GHRHR: variants seen among roughly 807,000 people sequenced by gnomAD.
The protein encoded by GHRHR is growth hormone-releasing hormone receptor.
In GHRHR, 40 loss-of-function variants were observed where a neutral mutation model predicts 58.3. The ratio of observed to expected loss-of-function variants is 0.69; its 90% confidence interval spans 0.53 to 0.89. The LOEUF (loss-of-function observed/expected upper bound fraction) is 0.89, where lower values mean the gene tolerates loss of function less well. Ranked by LOEUF, GHRHR falls within the 40% of genes least tolerant of loss-of-function variation. The pLI, the probability that GHRHR is intolerant of heterozygous loss-of-function variation, is 0.00. For missense variants in GHRHR, 551 were observed against 541.3 expected (o/e 1.02, Z -0.18); for synonymous variants, 249 against 216.6 (o/e 1.15, Z -1.31).
intron 1 of GHRHR, among the ~76,000 whole-genome samples, chr7:30,968,342 C>T (rs1792398170): frequency 6.6e-6 from 1 of 151,956 alleles, no homozygotes; most frequent in Admixed American, 6.6e-5. Flanking sequence ...GGAGGAAAGG[C>T]CCTGATGAGA....
intron 6 of GHRHR, among the ~76,000 whole-genome samples, chr7:30,972,641 AACTCTCAAAG>A (rs1227888431): frequency 4.6e-5 from 7 of 152,200 alleles, no homozygotes; most frequent in Non-Finnish European, 1.0e-4. Flanking sequence ...AGGGTGAACA[AACTCTCAAAG>A]ACAGGAGGAC....
rs1158291144 is a variant in GHRHR, at chr7:30,969,873, T to G, written c.275T>G (p.Val92Gly). The G allele has an allele frequency of 1.2e-6, 2 of 1,613,476 alleles. No individual in the cohort carries two copies. The highest frequency in any genetic ancestry group is 1.7e-6 in the Non-Finnish European group (2 of 1,179,394). The change falls in exon 4 of 13, where the codon GTG (valine) becomes GGG (glycine). Residue 92 changes from valine to glycine, a missense_variant. By Grantham distance (109) the Val-to-Gly change is moderately radical (BLOSUM62 -3). Coordinates refer to ENST00000326139, the MANE Select transcript of GHRHR (RefSeq NM_000823.4). ...AGTCTTGCTTGCCTCCCAGGGGCTG[T>G]GAAACGGGATTGTACTATCACTGGC... The part of the protein sequence containing the change: ...FSHFSSESGA[V>G]KRDCTITGWS...
chr7:30,973,993 C>G lies in GHRHR; in HGVS notation c.606C>G (p.Cys202Trp), dbSNP rs1792525923. The G allele has an allele frequency of 6.2e-7, 1 of 1,613,464 alleles. No homozygotes were observed. The highest frequency in any genetic ancestry group is 8.5e-7 in the Non-Finnish European group (1 of 1,179,988). Residue 202 changes from cysteine to tryptophan, a missense_variant, in exon 7 of 13, where the codon TGC (cysteine) becomes TGG (tryptophan). Cys to Trp is a radical substitution (Grantham distance 215). Transcript: ENST00000326139. ...CAGGTCCTGGCCCCCAGGTTCTATG[C>G]AAGGTCTCTGTGGCCGCCTCCCATT... Reference protein sequence around the residue: ...TDHCSFSTVLCKVSVAASHFA... With the variant: ...TDHCSFSTVLWKVSVAASHFA...
At chr7:30,965,891 A>G (rs1792338572) in intron 1 of GHRHR, among the ~76,000 whole-genome samples, 1 of 152,202 alleles carries the variant, frequency 6.6e-6, no homozygotes, top group Non-Finnish European at 1.5e-5. Flanking sequence ...TGGGAGATGT[A>G]GGGGAGACGC....
intron 12 of GHRHR, among the ~76,000 whole-genome samples, chr7:30,977,740 T>C (rs1458033266): frequency 1.3e-5 from 2 of 151,908 alleles, no homozygotes; most frequent in African/African-American, 4.8e-5. Context: ...GAGGTAAACA[T>C]ACAGGGAACT....
intron 4 of GHRHR, among the ~76,000 whole-genome samples, chr7:30,970,402 C>T (rs943182204): frequency 6.6e-6 from 1 of 152,236 alleles, no homozygotes; most frequent in Admixed American, 6.5e-5. Flanking sequence ...GCTCCTAACA[C>T]CAGCCAGCAC....
rs377634222 is a variant in GHRHR at position 30,974,935 on chromosome 7, A to T, written c.813-36A>T. 6.3e-6 allele frequency: 9 copies of T among 1,422,422 alleles called. No homozygotes were observed. The African/African-American group carries it at 1.3e-4, about 20-fold the overall frequency. 88.1% of individuals were successfully genotyped at this position (1,422,422 alleles called of 1,614,324 possible). The stretch of plus-strand genomic sequence containing the variant: ...TGCCTGCGTCACCACAGTGAAGGGG[A>T]CTTTCCAACAACGGCCTTCTTTCCT... On this transcript the variant is annotated intron_variant, in intron 8 of 12. Coordinates refer to ENST00000326139, the MANE Select transcript of GHRHR (RefSeq NM_000823.4).
intron 4 of GHRHR, among the ~76,000 whole-genome samples, chr7:30,970,333 T>C (rs1290810505): frequency 6.6e-6 from 1 of 152,060 alleles, no homozygotes; most frequent in East Asian, 1.9e-4. Flanking sequence ...TGTGGAGCAG[T>C]GTGCATGGTT....
chr7:30,976,698 C>T (rs1021387627), intron 11 of GHRHR, 140 bp downstream of exon 11: 8 of 721,252 alleles, frequency 1.1e-5, no homozygotes, highest in Middle Eastern at 3.6e-4. Context: ...TCTGTCTGTC[C>T]ATCTTCCAGC....
At chr7:30,975,114 AG>A in intron 9 of GHRHR, 74 bp downstream of exon 9, 1 of 1,015,642 alleles carries the variant, frequency 9.8e-7, no homozygotes, top group Admixed American at 1.7e-5. Flanking sequence ...TGTGCACAGC[AG>A]GAAATGCAAC....
intron 11 of GHRHR, 76 bp from the exon 12 acceptor site, chr7:30,977,205 G>A: frequency 7.3e-7 from 1 of 1,368,860 alleles, no homozygotes; most frequent in African/African-American, 1.4e-5. Flanking sequence ...GTAGGGAAAA[G>A]GTAGCAGAAA....
chr7:30,966,218 G>C (rs749953458), intron 1 of GHRHR, among the ~76,000 whole-genome samples: 1 of 152,142 alleles, frequency 6.6e-6, no homozygotes, highest in Non-Finnish European at 1.5e-5. Flanking sequence ...GTCTCTCCAC[G>C]TGGTCACCCA....
rs748254784 is a variant in GHRHR at position 30,968,847 on chromosome 7, T to G, written c.71T>G (p.Met24Arg). The G allele has an allele frequency of 6.2e-7, 1 of 1,613,238 alleles. No individual in the cohort carries two copies. Among genetic ancestry groups the G allele is most frequent in the Non-Finnish European group, 8.5e-7 (1 of 1,179,362 alleles). The change falls in exon 2 of 13, where the codon ATG becomes AGG. Residue 24 changes from methionine (M) to arginine (R), a missense_variant. Transcript: ENST00000326139. ...TGTTTCCAGCAGGTATTGGGCCACA[T>G]GCACCCAGAATGTGACTTCATCACC... ...LSPLPTVLGHMHPECDFITQL... is the reference protein window; with the variant it reads ...LSPLPTVLGHRHPECDFITQL...
At chr7:30,974,166 A>T in intron 7 of GHRHR, 28 bp downstream of exon 7, 2 of 1,609,928 alleles carry the variant, frequency 1.2e-6, no homozygotes, top group Non-Finnish European at 1.7e-6. Context: ...GTTGGGCACC[A>T]TGGGGAGGTA....
chr7:30,964,496 C>T (rs189385908), intron 1 of GHRHR, among the ~76,000 whole-genome samples: 91 of 152,292 alleles, frequency 6.0e-4, no homozygotes, highest in African/African-American at 2.1e-3. Context: ...CCTCTTAGTC[C>T]CTGCAGTTTG....
chr7:30,964,784 G>C (rs555183249), intron 1 of GHRHR, among the ~76,000 whole-genome samples: 2 of 152,304 alleles, frequency 1.3e-5, no homozygotes, highest in Middle Eastern at 3.4e-3. Flanking sequence ...GCTGGAGCAC[G>C]GGGCATCAGG....
chr7:30,974,334 C>G, intron 7 of GHRHR, 95 bp from the exon 8 acceptor site: 1 of 1,117,438 alleles, frequency 8.9e-7, no homozygotes, highest in Non-Finnish European at 1.4e-6. Flanking sequence ...CTTTGCAGTG[C>G]CCTACGTGGC....
At chr7:30,972,824 A>C (rs1367543823) in intron 6 of GHRHR, among the ~76,000 whole-genome samples, 2 of 152,222 alleles carry the variant, frequency 1.3e-5, no homozygotes, top group African/African-American at 4.8e-5. Context: ...CAGGGAGCAA[A>C]CTAACACATG....
intron 1 of GHRHR, among the ~76,000 whole-genome samples, chr7:30,967,842 A>G (rs983275574): frequency 1.2e-4 from 19 of 152,098 alleles, no homozygotes; most frequent in African/African-American, 4.1e-4. Context: ...GCCTGTGTGC[A>G]CCCCTAAAAG....
Sources: gnomAD v4.1 joint callset for allele counts (sites outside exome capture counted in the v4.1 genomes callset) on GRCh38, gnomAD v4.1.1 for gene constraint, MANE v1.5 for transcripts, NCBI Gene and HGNC (gene_info 2026-07-23, HGNC 2026-07-21) for gene names.